The following SCN9A variants were observed in gnomAD, a reference collection of about 807,000 sequenced individuals.
SCN9A encodes sodium voltage-gated channel alpha subunit 9.
SCN9A carries 131 observed loss-of-function variants against 187.0 expected under a neutral mutation model. The ratio of observed to expected loss-of-function variants is 0.70; its 90% confidence interval spans 0.61 to 0.81. The LOEUF is 0.81. Ranked by LOEUF, SCN9A falls within the 30% of genes least tolerant of loss-of-function variation. The pLI is 0.00. For missense variants in SCN9A, 2,252 were observed against 2,396.6 expected, an observed-to-expected ratio of 0.94 and a Z score of 1.26; for synonymous variants, 809 against 808.6, an observed-to-expected ratio of 1.00 and a Z score of -0.01.
intron 16 of SCN9A, 47 bp from the exon 17 acceptor site, chr2:166,272,922 A>T: frequency 1.2e-6 from 1 of 825,376 alleles, no homozygotes; most frequent in African/African-American, 1.8e-5. Context: ...GAGACAGGAA[A>T]TATAAAAAAT....
chr2:166,310,959 C>A (rs6708715), intron 2 of SCN9A, among the ~76,000 whole-genome samples: 17,828 of 56,674 alleles, frequency 0.31, 3,174 homozygotes, highest in African/African-American at 0.39. Flanking sequence ...GACATGGATG[C>A]AATTGGAAAT....
At chr2:166,354,353 C>CT (rs35433129) in intron 1 of SCN9A, among the ~76,000 whole-genome samples, 41,062 of 151,082 alleles carry the variant, frequency 0.27, 7,980 homozygotes, top group African/African-American at 0.55. Context: ...ATTAAAGTAG[C>CT]TTTTTTTTTC....
intron 1 of SCN9A, among the ~76,000 whole-genome samples, chr2:166,359,661 C>T (rs940960172): frequency 1.3e-5 from 2 of 151,928 alleles, no homozygotes; most frequent in African/African-American, 2.4e-5. Context: ...TTCAATATTT[C>T]ATGTCCTAAA....
At chr2:166,370,846 T>C (rs1271544817) in intron 1 of SCN9A, among the ~76,000 whole-genome samples, 1 of 151,996 alleles carries the variant, frequency 6.6e-6, no homozygotes, top group Non-Finnish European at 1.5e-5. Context: ...AGGGCATTCA[T>C]TGCAGGGCAG....
At chr2:166,223,803 G>T (rs1306588036) in intron 24 of SCN9A, among the ~76,000 whole-genome samples, 1 of 151,922 alleles carries the variant, frequency 6.6e-6, no homozygotes. Flanking sequence ...TTTTTCTTTG[G>T]AATAAATGAG....
At chr2:166,237,268 G>A (rs1006699330) in intron 20 of SCN9A, among the ~76,000 whole-genome samples, 2 of 151,708 alleles carry the variant, frequency 1.3e-5, no homozygotes, top group African/African-American at 2.4e-5. Context: ...GTTTCTATTT[G>A]AGAGTCCTTG....
intron 1 of SCN9A, among the ~76,000 whole-genome samples, chr2:166,358,358 C>T (rs1012261909): frequency 6.6e-5 from 10 of 152,102 alleles, no homozygotes; most frequent in African/African-American, 1.9e-4. Flanking sequence ...ACATGAGCCA[C>T]CACACCCGGC....
chr2:166,199,222 G>A lies in SCN9A; in HGVS notation c.5417C>T (p.Ala1806Val). The change falls in exon 27 of 27, where the codon GCA (alanine) becomes GTA (valine). Residue 1806 changes from alanine (A) to valine (V), a missense_variant. By Grantham distance (64) the Ala-to-Val change is moderately conservative. Transcript: ENST00000642356. Reference protein sequence around the residue: ...FIEFSKLSDFAAALDPPLLIA... With the variant: ...FIEFSKLSDFVAALDPPLLIA... ...GAGAAGAGGAGGATCCAGGGCAGCT[G>A]CAAAATCAGAGAGTTTAGAGAACTC... is the stretch of plus-strand genomic sequence containing the variant. The A allele has an allele frequency of 6.2e-7, 1 of 1,614,200 alleles. No individual in the cohort carries two copies. Among genetic ancestry groups the A allele is most frequent in the Non-Finnish European group, 8.5e-7 (1 of 1,180,036 alleles).
At chr2:166,252,724 G>A (rs1696100883) in intron 17 of SCN9A, among the ~76,000 whole-genome samples, 1 of 151,624 alleles carries the variant, frequency 6.6e-6, no homozygotes. Context: ...AACGCAAATA[G>A]GTTTTTCTCA....
chr2:166,254,294 G>A (rs1197776011), intron 17 of SCN9A, among the ~76,000 whole-genome samples: 1 of 151,288 alleles, frequency 6.6e-6, no homozygotes, highest in Non-Finnish European at 1.5e-5. Context: ...ATGTTTTCTT[G>A]GGAATGCATT....
Position 166,281,812 on chromosome 2 carries a change from A to G in SCN9A, c.1975-4T>C. 1 of 1,590,720 alleles carries G rather than the reference A, an allele frequency of 6.3e-7. No individual in the cohort carries two copies. Among genetic ancestry groups the G allele is most frequent in the Non-Finnish European group, 8.5e-7 (1 of 1,171,394 alleles). ...TGTGTATTTGATTGGTCGTGCCCTA[A>G]AAAAAAAATCAATTAATGTCTTAAG... is the stretch of plus-strand genomic sequence containing the variant. On this transcript the variant is annotated splice_region_variant and splice_polypyrimidine_tract_variant and intron_variant, in intron 12 of 26. Transcript: ENST00000642356.
intron 24 of SCN9A, among the ~76,000 whole-genome samples, chr2:166,223,336 TGTG>T (rs1468731677): frequency 6.6e-6 from 1 of 152,164 alleles, no homozygotes; most frequent in Non-Finnish European, 1.5e-5. Flanking sequence ...GGATAGAAAA[TGTG>T]GTATTTGTAT....
intron 14 of SCN9A, 94 bp from the exon 15 acceptor site, chr2:166,278,407 T>A: frequency 1.9e-6 from 2 of 1,057,728 alleles, no homozygotes. Context: ...TTTACTGTGT[T>A]CCAGACAGTT....
chr2:166,246,309 A>G (rs918492447), intron 18 of SCN9A, among the ~76,000 whole-genome samples: 1 of 151,908 alleles, frequency 6.6e-6, no homozygotes, highest in African/African-American at 2.4e-5. Flanking sequence ...TTACATAAAC[A>G]TTGGATGAAA....
chr2:166,365,929 A>AG (rs995076391), intron 1 of SCN9A, among the ~76,000 whole-genome samples: 2 of 152,174 alleles, frequency 1.3e-5, no homozygotes, highest in African/African-American at 4.8e-5. Flanking sequence ...GAAGGAAGAG[A>AG]GGGAAAAAAG....
At chr2:166,210,537 T>C (rs893317775) in intron 24 of SCN9A, among the ~76,000 whole-genome samples, 2 of 99,706 alleles carry the variant, frequency 2.0e-5, no homozygotes, top group African/African-American at 4.0e-5. Context: ...AAAAAAAAGG[T>C]AGATCATTTA....
In SCN9A at chr2:166,251,773, A is replaced by T. The variant is rs750839038; in HGVS notation, c.3464T>A (p.Phe1155Tyr). ...PMNSDEPEAC[F>Y]TDGCVWRFSC... ...CTCAATTTTTGTCTTACCATCTGTG[A>T]AACAGGCCTCTGGCTCATCGGAATT... is the stretch of plus-strand genomic sequence containing the variant. The change falls in exon 18 of 27, where the codon TTC becomes TAC. Residue 1155 changes from phenylalanine to tyrosine, a missense_variant. Physicochemically the swap from Phe to Tyr is conservative, Grantham distance 22. This residue lies in a region of SCN9A where 313 missense variants were observed against 295.3 expected (regional missense o/e 1.06). Transcript: ENST00000642356. The T allele has an allele frequency of 6.2e-6, 10 of 1,612,438 alleles. No individual in the cohort carries two copies. Among genetic ancestry groups the T allele is most frequent in the Non-Finnish European group, 5.9e-6 (7 of 1,178,998 alleles).
chr2:166,274,682 T>A (rs541443064), intron 16 of SCN9A, among the ~76,000 whole-genome samples: 76 of 152,264 alleles, frequency 5.0e-4, no homozygotes, highest in African/African-American at 1.7e-3. Context: ...CAAGAATTAA[T>A]AATTAAAGAA....
chr2:166,297,530 G>A lies in SCN9A; in HGVS notation c.902-2868C>T, dbSNP rs547737780. ...AGATACAAAAAGCCATATATTATATGCTTCCATGTATATTAAATCTACAGA... is the reference window on the plus strand; with the variant it reads ...AGATACAAAAAGCCATATATTATATACTTCCATGTATATTAAATCTACAGA... On this transcript the variant is annotated intron_variant, in intron 7 of 26. Transcript: ENST00000642356. Among the ~76,000 whole-genome samples, 84 of 152,182 alleles carry A rather than the reference G, an allele frequency of 5.5e-4. 1 individual carries two copies. Among genetic ancestry groups the A allele is most frequent in the African/African-American group, 2.0e-3 (81 of 41,530 alleles).
Sources: gnomAD v4.1 joint callset for allele counts (sites outside exome capture counted in the v4.1 genomes callset) on GRCh38, gnomAD v4.1.1 for gene constraint, gnomAD v4.1.1 regional missense constraint, MANE v1.5 for transcripts, NCBI Gene and HGNC (gene_info 2026-07-23, HGNC 2026-07-21) for gene names.